The following CNTNAP2 variants were observed in gnomAD, a reference collection of about 807,000 sequenced individuals.
CNTNAP2 encodes contactin-associated protein-like 2.
Under a neutral mutation model 155.2 loss-of-function variants are expected in CNTNAP2, and 98 were observed. That is an observed-to-expected ratio of 0.63 (90% confidence interval 0.54 to 0.75). CNTNAP2 has a LOEUF of 0.75. Ranked by LOEUF, CNTNAP2 falls within the 30% of genes least tolerant of loss-of-function variation. The pLI, the probability that CNTNAP2 is intolerant of heterozygous loss-of-function variation, is 0.00. For missense variants in CNTNAP2, 1,727 were observed against 1,688.1 expected, an observed-to-expected ratio of 1.02 and a Z score of -0.40; for synonymous variants, 651 against 631.2, an observed-to-expected ratio of 1.03 and a Z score of -0.47.
At chr7:146,139,549 ACT>A (rs753447422) in intron 1 of CNTNAP2, among the ~76,000 whole-genome samples, 4 of 151,580 alleles carry the variant, frequency 2.6e-5, no homozygotes, top group Non-Finnish European at 5.9e-5. Context: ...TTTGAACAAA[ACT>A]CTGCCCACCT....
intron 3 of CNTNAP2, among the ~76,000 whole-genome samples, chr7:146,914,568 C>A (rs986099993): frequency 2.0e-5 from 3 of 151,940 alleles, no homozygotes; most frequent in Admixed American, 2.0e-4. Flanking sequence ...AGTATTTTTT[C>A]ATGTGTTTGT....
chr7:148,169,548 T>C (rs1805735025), intron 17 of CNTNAP2, among the ~76,000 whole-genome samples: 1 of 152,146 alleles, frequency 6.6e-6, no homozygotes, highest in South Asian at 2.1e-4. Context: ...AAATGGAAAA[T>C]TTTAAAAACT....
chr7:147,894,771 G>T (rs778880223), intron 13 of CNTNAP2, among the ~76,000 whole-genome samples: 5 of 151,738 alleles, frequency 3.3e-5, no homozygotes, highest in Admixed American at 2.0e-4. Flanking sequence ...TATTTAAGCA[G>T]CCTGTTAAGT....
chr7:147,591,497 C>A (rs1193805125), intron 12 of CNTNAP2, among the ~76,000 whole-genome samples: 1 of 152,134 alleles, frequency 6.6e-6, no homozygotes, highest in East Asian at 1.9e-4. Flanking sequence ...GGGATTAAGA[C>A]TTCCACATAT....
intron 1 of CNTNAP2, among the ~76,000 whole-genome samples, chr7:146,419,535 A>G (rs1795982756): frequency 6.6e-6 from 1 of 152,184 alleles, no homozygotes; most frequent in African/African-American, 2.4e-5. Flanking sequence ...TTATTATCAG[A>G]GAACAATAAA....
chr7:148,192,844 TA>T (rs1267046691), intron 18 of CNTNAP2, among the ~76,000 whole-genome samples: 9 of 152,350 alleles, frequency 5.9e-5, no homozygotes, highest in Admixed American at 3.9e-4. Context: ...AATATGACTT[TA>T]TTTTTTTCCT....
At chr7:146,123,808 A>C (rs1364001188) in intron 1 of CNTNAP2, among the ~76,000 whole-genome samples, 3 of 152,176 alleles carry the variant, frequency 2.0e-5, no homozygotes, top group African/African-American at 7.2e-5. Context: ...CTTAAAATTA[A>C]AGGTGCTTCT....
chr7:146,439,007 T>C lies in CNTNAP2; in HGVS notation c.97+322034T>C, dbSNP rs530830113. Among the ~76,000 whole-genome samples, 37 of 151,666 alleles carry C rather than the reference T, an allele frequency of 2.4e-4. No individual in the cohort carries two copies. In the South Asian group the frequency reaches 6.6e-3, roughly 27 times the overall value. On this transcript the variant is annotated intron_variant, in intron 1 of 23. Coordinates refer to ENST00000361727, the MANE Select transcript of CNTNAP2 (RefSeq NM_014141.6). ...CTAATTTATTCATGTTAGCTTTACA[T>C]TGCATTTTCAAAAACAGAAAACAGT...
intron 14 of CNTNAP2, among the ~76,000 whole-genome samples, chr7:147,924,143 C>CTTTTCTTTTTTTTTTTTTTTTTTT (rs1554450278): frequency 8.1e-6 from 1 of 123,494 alleles, no homozygotes; most frequent in African/African-American, 3.2e-5. Flanking sequence ...CTTTTCTTTT[C>CTTTTCTTTTTTTTTTTTTTTTTTT]TTTTTTTTTT....
At chr7:146,957,170 C>T (rs1797453994) in intron 3 of CNTNAP2, among the ~76,000 whole-genome samples, 1 of 152,116 alleles carries the variant, frequency 6.6e-6, no homozygotes, top group Non-Finnish European at 1.5e-5. Flanking sequence ...TCCTATTTTT[C>T]CTAGGCTATA....
At chr7:148,259,899 A>T (rs376850502) in intron 20 of CNTNAP2, among the ~76,000 whole-genome samples, 122 of 152,366 alleles carry the variant, frequency 8.0e-4, no homozygotes, top group African/African-American at 2.5e-3. Flanking sequence ...CCTGGGGTAC[A>T]TGGAGTCACA....
At chr7:147,709,587 T>C (rs1012303193) in intron 13 of CNTNAP2, among the ~76,000 whole-genome samples, 6 of 152,172 alleles carry the variant, frequency 3.9e-5, no homozygotes, top group African/African-American at 1.2e-4. Flanking sequence ...GGACACCTCA[T>C]CTAACTTTCT....
chr7:147,036,745 AG>A (rs1427081222), intron 3 of CNTNAP2, among the ~76,000 whole-genome samples: 1 of 152,190 alleles, frequency 6.6e-6, no homozygotes, highest in Non-Finnish European at 1.5e-5. Flanking sequence ...TTGATTATAA[AG>A]AGTATTGTTC....
At chr7:146,166,598 C>CGGTTG (rs1562974539) in intron 1 of CNTNAP2, among the ~76,000 whole-genome samples, 1 of 152,064 alleles carries the variant, frequency 6.6e-6, no homozygotes, top group Admixed American at 6.6e-5. Flanking sequence ...GCAATATACA[C>CGGTTG]GGTTGCATAC....
At chr7:148,064,339 A>G (rs756714857) in intron 15 of CNTNAP2, among the ~76,000 whole-genome samples, 23 of 152,058 alleles carry the variant, frequency 1.5e-4, no homozygotes, top group Non-Finnish European at 1.0e-4. Flanking sequence ...TTTTGACAAT[A>G]TTTATTCTAC....
chr7:146,905,820 C>A (rs1408683448), intron 3 of CNTNAP2, among the ~76,000 whole-genome samples: 1 of 152,182 alleles, frequency 6.6e-6, no homozygotes, highest in Admixed American at 6.5e-5. Flanking sequence ...AGGAACAGCT[C>A]CGGGTCTACA....
chr7:146,151,142 C>T (rs866415982), intron 1 of CNTNAP2, among the ~76,000 whole-genome samples: 4 of 152,028 alleles, frequency 2.6e-5, no homozygotes, highest in African/African-American at 9.7e-5. Flanking sequence ...GGAAACCACC[C>T]CCATAATCCA....
At chr7:146,220,951 T>C (rs562571033) in intron 1 of CNTNAP2, among the ~76,000 whole-genome samples, 1 of 152,352 alleles carries the variant, frequency 6.6e-6, no homozygotes, top group African/African-American at 2.4e-5. Flanking sequence ...GTCTGAGGCC[T>C]ATGCCCAAAG....
chr7:147,213,587 A>G (rs1365223880), intron 8 of CNTNAP2, among the ~76,000 whole-genome samples: 2 of 151,828 alleles, frequency 1.3e-5, no homozygotes, highest in East Asian at 1.9e-4. Flanking sequence ...AAAAAATAAC[A>G]TTGTATTGGT....
Sources: allele counts gnomAD v4.1 joint callset (sites outside exome capture counted in the v4.1 genomes callset), GRCh38; gene constraint gnomAD v4.1.1; transcripts MANE v1.5; gene names NCBI Gene and HGNC (gene_info 2026-07-23, HGNC 2026-07-21).